Variants in S100A8 observed in about 807,000 individuals in gnomAD.
The protein encoded by S100A8 is protein S100-A8.
S100A8 carries 1 observed loss-of-function variant against 4.2 expected under a neutral mutation model. The observed-to-expected ratio is 0.24, with a 90% CI of 0.08 to 1.12. The LOEUF (loss-of-function observed/expected upper bound fraction) is 1.12. S100A8 is among the 50% of genes most tolerant of loss of function. The pLI is 0.53. For missense variants in S100A8, 96 were observed against 111.8 expected (o/e 0.86, Z 0.64); for synonymous variants, 41 against 44.7 (o/e 0.92, Z 0.33).
At chr1:153,397,092 T>A in the S100A8 span, among the ~76,000 whole-genome samples, 1 of 152,232 alleles carries the variant, frequency 6.6e-6, no homozygotes, top group Non-Finnish European at 1.5e-5. Flanking sequence ...TCGCATCCAC[T>A]GGCAGTAGCT....
At chr1:153,416,730 C>A in the S100A8 span, among the ~76,000 whole-genome samples, 1 of 152,232 alleles carries the variant, frequency 6.6e-6, no homozygotes, top group Non-Finnish European at 1.5e-5. Flanking sequence ...CAAAAGCCCA[C>A]GTCTGTACAA....
chr1:153,414,516 A>G, the S100A8 span, among the ~76,000 whole-genome samples: 8 of 152,238 alleles, frequency 5.3e-5, no homozygotes, highest in African/African-American at 1.9e-4. Context: ...CTGATGCTCC[A>G]CATCATATGT....
chr1:153,398,221 G>T, the S100A8 span, among the ~76,000 whole-genome samples: 167 of 152,290 alleles, frequency 1.1e-3, 2 homozygotes, highest in East Asian at 0.027. Context: ...GCCCCAAGGA[G>T]CCCAGTAATC....
chr1:153,407,399 C>T, the S100A8 span, among the ~76,000 whole-genome samples: 15 of 152,280 alleles, frequency 9.9e-5, no homozygotes, highest in South Asian at 4.1e-4. Context: ...TCAAACTGCA[C>T]GGCGGCAGTG....
At chr1:153,397,651 G>A in the S100A8 span, among the ~76,000 whole-genome samples, 873 of 152,278 alleles carry the variant, frequency 5.7e-3, 11 homozygotes, top group African/African-American at 0.02. Context: ...TGGGCATGAG[G>A]ACCAGTGTGA....
chr1:153,393,850 A>G (rs1384582367), upstream of S100A8, among the ~76,000 whole-genome samples: 1 of 152,232 alleles, frequency 6.6e-6, no homozygotes, highest in African/African-American at 2.4e-5. Context: ...AGATGGGGAA[A>G]CTGAGGCACA....
chr1:153,401,860 T>C, the S100A8 span, among the ~76,000 whole-genome samples: 3 of 152,190 alleles, frequency 2.0e-5, no homozygotes, highest in Non-Finnish European at 2.9e-5. Flanking sequence ...GTTATACTGA[T>C]GGAATATTTA....
chr1:153,396,027 C>A (rs1395302585), upstream of S100A8, among the ~76,000 whole-genome samples: 1 of 152,260 alleles, frequency 6.6e-6, no homozygotes, highest in African/African-American at 2.4e-5. Context: ...TGAGTGACCA[C>A]AAGCGAGGCC....
At chr1:153,395,522 C>G (rs1662193917), upstream of S100A8, among the ~76,000 whole-genome samples, 1 of 152,130 alleles carries the variant, frequency 6.6e-6, no homozygotes, top group Non-Finnish European at 1.5e-5. Context: ...CCTTCCGTCC[C>G]CATGAAGCTG....
the S100A8 span, chr1:153,417,422 T>G: frequency 6.6e-6 from 1 of 152,588 alleles, no homozygotes; most frequent in Non-Finnish European, 1.5e-5. Flanking sequence ...CTGTTCCTTG[T>G]AACAGAGGCA....
chr1:153,393,607 C>G (rs1421136360), upstream of S100A8, among the ~76,000 whole-genome samples: 10 of 152,144 alleles, frequency 6.6e-5, no homozygotes, highest in Admixed American at 5.2e-4. Context: ...AAAGATGAAT[C>G]AAGCTCCATC....
chr1:153,409,672 G>A, the S100A8 span, among the ~76,000 whole-genome samples: 2 of 152,184 alleles, frequency 1.3e-5, no homozygotes, highest in African/African-American at 4.8e-5. Flanking sequence ...ATTCTTCTCA[G>A]CACCACGTCA....
upstream of S100A8, among the ~76,000 whole-genome samples, chr1:153,395,477 C>T (rs968650775): frequency 2.6e-5 from 4 of 152,148 alleles, no homozygotes; most frequent in African/African-American, 9.7e-5. Flanking sequence ...AGGTCTGGAC[C>T]TTGATGTTCT....
chr1:153,415,890 C>G, the S100A8 span, among the ~76,000 whole-genome samples: 1 of 152,196 alleles, frequency 6.6e-6, no homozygotes, highest in African/African-American at 2.4e-5. Context: ...CAACCCAAGA[C>G]CTATAGCACA....
At chr1:153,413,844 C>T in the S100A8 span, among the ~76,000 whole-genome samples, 6 of 151,790 alleles carry the variant, frequency 4.0e-5, no homozygotes, top group Non-Finnish European at 5.9e-5. Flanking sequence ...GAGATTGCAG[C>T]GAGCCAAGAT....
At chr1:153,408,944 A>C in the S100A8 span, among the ~76,000 whole-genome samples, 5 of 152,212 alleles carry the variant, frequency 3.3e-5, no homozygotes, top group African/African-American at 1.2e-4. Context: ...TTTTGTCACC[A>C]CCAGGCCTGC....
chr1:153,398,261 GGGCA>G, the S100A8 span, among the ~76,000 whole-genome samples: 27 of 152,316 alleles, frequency 1.8e-4, no homozygotes, highest in African/African-American at 6.5e-4. Flanking sequence ...CAAAGAAGAT[GGGCA>G]GGGCCTGAGG....
intron 1 of S100A8, 120 bp from the exon 2 acceptor site, chr1:153,390,677 C>G (rs778895289): frequency 3.2e-6 from 4 of 1,268,196 alleles, no homozygotes; most frequent in Non-Finnish European, 4.4e-6. Context: ...CTCCAAATAA[C>G]CAAACCAGCA....
chr1:153,391,162 C>A, upstream of S100A8: 1 of 985,516 alleles, frequency 1.0e-6, no homozygotes, highest in East Asian at 1.1e-4. Context: ...TTCTCCCTGC[C>A]AGAGTTGCTA....
Sources: allele counts gnomAD v4.1 joint callset (sites outside exome capture counted in the v4.1 genomes callset), GRCh38; gene constraint gnomAD v4.1.1; transcripts MANE v1.5; gene names NCBI Gene and HGNC (gene_info 2026-07-23, HGNC 2026-07-21).